The following HYKK variants were observed in gnomAD, a reference collection of about 807,000 sequenced individuals.
HYKK encodes 5-hydroxy-L-lysine kinase.
Under a neutral mutation model 29.7 loss-of-function variants are expected in HYKK, and 19 were observed. The observed-to-expected ratio is 0.64, with a 90% CI of 0.45 to 0.94. The LOEUF (loss-of-function observed/expected upper bound fraction) is 0.94. Ranked by LOEUF, HYKK falls within the 40% of genes least tolerant of loss-of-function variation. The pLI is 0.00. For synonymous variants in HYKK, 152 were observed against 158.1 expected (o/e 0.96, Z 0.29); for missense variants, 390 against 443.4 (o/e 0.88, Z 1.08).
At chr15:78,519,052 C>T (rs372051532) in intron 3 of HYKK, among the ~76,000 whole-genome samples, 1 of 151,666 alleles carries the variant, frequency 6.6e-6, no homozygotes, top group African/African-American at 2.4e-5. Flanking sequence ...TTAAAGAAAA[C>T]CAGATAAAAA....
rs554024831 is a variant in HYKK, at chr15:78,513,356, G to A, written c.268G>A (p.Ala90Thr). ...VQNHIIMFLK[A>T]AGFPTASVCH... Reference sequence around the variant, plus strand: ...GAATCACATCATCATGTTTCTGAAAGCCGCTGGATTTCCAACAGCCTCTGT... The same window carrying A: ...GAATCACATCATCATGTTTCTGAAAACCGCTGGATTTCCAACAGCCTCTGT... The change falls in exon 2 of 5, where the codon GCC (alanine) becomes ACC (threonine). Residue 90 changes from alanine to threonine, a missense_variant. Physicochemically the swap from Ala to Thr is moderately conservative, Grantham distance 58. Transcript: ENST00000388988. The A allele has an allele frequency of 1.9e-6, 3 of 1,614,162 alleles. No homozygotes were observed. The East Asian group carries it at 6.7e-5, about 36-fold the overall frequency.
At chr15:78,508,880 C>CAAAAAAAAAA (rs71148531) in intron 1 of HYKK, among the ~76,000 whole-genome samples, 1,500 of 55,430 alleles carry the variant, frequency 0.027, 247 homozygotes, top group Admixed American at 0.055. Flanking sequence ...CCTCTCTCTC[C>CAAAAAAAAAA]AAAAAAAAAA....
In HYKK at chr15:78,533,675, G is replaced by T. The variant is rs753381981; in HGVS notation, c.*5G>T. 4.4e-6 allele frequency: 7 copies of T among 1,599,370 alleles called. No individual in the cohort carries two copies. Among genetic ancestry groups the T allele is most frequent in the Non-Finnish European group, 6.0e-6 (7 of 1,167,356 alleles). The stretch of plus-strand genomic sequence containing the variant: ...GAATCTGGGATCTCCATGTGACTGA[G>T]ATCTCCATGTGACTCAAAGTTCACT... On this transcript the variant is annotated 3_prime_UTR_variant, in exon 5 of 5. Transcript: ENST00000388988.
chr15:78,509,366 C>T (rs1316001062), intron 1 of HYKK, among the ~76,000 whole-genome samples: 1 of 152,208 alleles, frequency 6.6e-6, no homozygotes, highest in Non-Finnish European at 1.5e-5. Context: ...TCTCCCAGCA[C>T]AGCCTTTTAT....
At chr15:78,513,467 A>G in intron 2 of HYKK, 42 bp downstream of exon 2, 2 of 1,392,322 alleles carry the variant, frequency 1.4e-6, no homozygotes, top group South Asian at 2.5e-5. Context: ...CTATCCAGAC[A>G]CATCACTGCA....
chr15:78,537,206 T>C, downstream of HYKK: 1 of 481,150 alleles, frequency 2.1e-6, no homozygotes, highest in Non-Finnish European at 3.9e-6. Flanking sequence ...CTCCTGTTTA[T>C]CTACCTATCC....
At chr15:78,514,590 A>C (rs2052107867) in intron 2 of HYKK, among the ~76,000 whole-genome samples, 1 of 152,112 alleles carries the variant, frequency 6.6e-6, no homozygotes, top group African/African-American at 2.4e-5. Flanking sequence ...CACTCCCCTC[A>C]ATTGTGAACT....
intron 4 of HYKK, among the ~76,000 whole-genome samples, chr15:78,529,305 T>A (rs2052288781): frequency 6.6e-6 from 1 of 152,228 alleles, no homozygotes; most frequent in Non-Finnish European, 1.5e-5. Context: ...ATTATTCTAC[T>A]CTTAAAAGAT....
At chr15:78,517,249 G>A (rs902345947) in intron 3 of HYKK, among the ~76,000 whole-genome samples, 8 of 151,276 alleles carry the variant, frequency 5.3e-5, no homozygotes, top group Non-Finnish European at 1.2e-4. Flanking sequence ...TGAATGTAAT[G>A]TGTCTTTTGT....
chr15:78,510,984 T>C (rs1380620689), intron 1 of HYKK, among the ~76,000 whole-genome samples: 1 of 136,718 alleles, frequency 7.3e-6, no homozygotes, highest in Non-Finnish European at 1.5e-5. Context: ...TTTTTTTTTT[T>C]AAATAGAGAA....
intron 3 of HYKK, among the ~76,000 whole-genome samples, chr15:78,516,940 T>G (rs2052139553): frequency 6.6e-6 from 1 of 151,816 alleles, no homozygotes; most frequent in African/African-American, 2.4e-5. Flanking sequence ...GAGGATCACC[T>G]GAGCCCAGGA....
At position 78,533,305 on chromosome 15, in the gene HYKK, G is replaced by C; in HGVS notation, c.757G>C (p.Asp253His). The C allele has an allele frequency of 6.2e-7, 1 of 1,614,086 alleles. No homozygotes were observed. Among genetic ancestry groups the C allele is most frequent in the South Asian group, 1.1e-5 (1 of 91,070 alleles). ...NAEYQVSGILDFGDMSYGYYV... is the reference protein window; with the variant it reads ...NAEYQVSGILHFGDMSYGYYV... ...TGAATATCAAGTGTCTGGGATTTTA[G>C]ACTTTGGTGACATGAGCTATGGCTA... The change falls in exon 5 of 5, where the codon GAC becomes CAC. Residue 253 changes from aspartate to histidine, a missense_variant. Asp to His is a moderately conservative substitution (Grantham distance 81). Transcript: ENST00000388988.
intron 2 of HYKK, among the ~76,000 whole-genome samples, chr15:78,513,815 G>A (rs2052099874): frequency 6.6e-6 from 1 of 152,072 alleles, no homozygotes. Context: ...TTTTGAGACA[G>A]GGGTCTCACT....
chr15:78,531,538 T>G, intron 4 of HYKK, among the ~76,000 whole-genome samples: 1 of 152,260 alleles, frequency 6.6e-6, no homozygotes, highest in Non-Finnish European at 1.5e-5. Context: ...TATATGTATA[T>G]AAAATTTTTT....
Position 78,513,228 on chromosome 15 carries a change from A to G in HYKK, c.140A>G (p.Asn47Ser). The change falls in exon 2 of 5, where the codon AAC becomes AGC. Residue 47 changes from asparagine (N) to serine (S), a missense_variant. Transcript: ENST00000388988. ...VRPLPSYDDQ[N>S]FHVYVSKTKD... ...CCACTTCCTAGCTATGATGACCAAA[A>G]CTTTCATGTCTACGTTTCAAAAACC... 6.2e-7 allele frequency: 1 copy of G among 1,614,178 alleles called. No homozygotes were observed. Among genetic ancestry groups the G allele is most frequent in the Non-Finnish European group, 8.5e-7 (1 of 1,180,038 alleles).
At chr15:78,524,306 T>C (rs1453059670) in intron 3 of HYKK, among the ~76,000 whole-genome samples, 1 of 152,276 alleles carries the variant, frequency 6.6e-6, no homozygotes, top group Middle Eastern at 3.2e-3. Flanking sequence ...CCAAGGCTTC[T>C]AGCTTGCGCT....
At chr15:78,518,617 G>A (rs960215467) in intron 3 of HYKK, 1 of 454,916 alleles carries the variant, frequency 2.2e-6, no homozygotes, top group African/African-American at 2.0e-5. Flanking sequence ...CACCCCTATT[G>A]GCCAAAAACT....
chr15:78,509,188 G>T (rs998943969), intron 1 of HYKK, among the ~76,000 whole-genome samples: 4 of 152,200 alleles, frequency 2.6e-5, no homozygotes, highest in Non-Finnish European at 5.9e-5. Flanking sequence ...GATATGGAGC[G>T]CTTATATAAA....
chr15:78,527,617 A>G (rs1178071738), intron 4 of HYKK, 54 bp downstream of exon 4: 1 of 1,595,216 alleles, frequency 6.3e-7, no homozygotes, highest in Non-Finnish European at 8.5e-7. Flanking sequence ...GTCCAATTTC[A>G]TATCATCAGA....
Sources: allele counts gnomAD v4.1 joint callset (sites outside exome capture counted in the v4.1 genomes callset), GRCh38; gene constraint gnomAD v4.1.1; transcripts MANE v1.5; gene names NCBI Gene and HGNC (gene_info 2026-07-23, HGNC 2026-07-21).